Variants in SCNN1B observed in about 807,000 individuals in gnomAD.
SCNN1B encodes sodium channel epithelial 1 subunit beta, also known as epithelial sodium channel subunit beta.
SCNN1B carries 46 observed loss-of-function variants against 65.3 expected under a neutral mutation model. The ratio of observed to expected loss-of-function variants is 0.70; its 90% CI spans 0.56 to 0.90. The LOEUF (loss-of-function observed/expected upper bound fraction) is 0.90, where lower values mean the gene tolerates loss of function less well. Among genes scored for constraint, SCNN1B ranks in the 40% least tolerant of loss-of-function variants. The pLI is 0.00. For synonymous variants in SCNN1B, 349 were observed against 330.6 expected, an observed-to-expected ratio of 1.06 and a Z score of -0.60; for missense variants, 751 against 830.5, an observed-to-expected ratio of 0.90 and a Z score of 1.18.
chr16:23,306,435 C>T (rs895232319), intron 1 of SCNN1B, among the ~76,000 whole-genome samples: 2 of 152,144 alleles, frequency 1.3e-5, no homozygotes, highest in East Asian at 1.9e-4. Flanking sequence ...ATTGCTGATG[C>T]TGATGCTGAT....
chr16:23,348,830 G>A lies in SCNN1B; in HGVS notation c.231G>A (p.Trp77Ter), dbSNP rs1401899216. 2.5e-6 allele frequency: 4 copies of A among 1,614,036 alleles called. No individual in the cohort carries two copies. The highest frequency in any genetic ancestry group is 3.4e-6 in the Non-Finnish European group (4 of 1,180,030). Residue 77 changes from tryptophan to a stop codon, truncating the protein, a stop_gained, in exon 2 of 13, where the codon TGG becomes TGA. Transcript: ENST00000343070. LOFTEE classifies it high-confidence loss of function. The surrounding 1 kb of genome is among the most constrained non-coding windows in gnomAD (Gnocchi z 4.5). ...TCTTCATCAGGACCTACTTGAGCTG[G>A]GAGGTCAGCGTCTCCCTCTCCGTAG... ...WGIFIRTYLS[W>*]EVSVSLSVGF... is the part of the protein sequence containing the mutation.
At chr16:23,362,720 G>A (rs1240401775) in intron 4 of SCNN1B, among the ~76,000 whole-genome samples, 5 of 152,228 alleles carry the variant, frequency 3.3e-5, no homozygotes, top group African/African-American at 1.2e-4. Context: ...GGGCAGGAGG[G>A]GACCTGGCCA....
chr16:23,344,257 G>C (rs1307681826), intron 1 of SCNN1B, among the ~76,000 whole-genome samples: 2 of 152,224 alleles, frequency 1.3e-5, no homozygotes, highest in South Asian at 4.1e-4. Flanking sequence ...ACTGTTGCCT[G>C]AGCCTGAGGC....
intron 6 of SCNN1B, 69 bp downstream of exon 6, chr16:23,371,531 GCCCTT>G (rs1375579877): frequency 8.5e-5 from 128 of 1,503,236 alleles, no homozygotes; most frequent in Non-Finnish European, 1.1e-4. Flanking sequence ...AGGGCCAACT[GCCCTT>G]GGCCTGGGAG....
chr16:23,354,801 C>T (rs1204349372), intron 3 of SCNN1B, among the ~76,000 whole-genome samples: 4 of 152,120 alleles, frequency 2.6e-5, no homozygotes, highest in African/African-American at 9.7e-5. Context: ...ATGTGTGTTA[C>T]AATGACATGA....
intron 1 of SCNN1B, among the ~76,000 whole-genome samples, chr16:23,317,502 G>T (rs191641659): frequency 6.6e-6 from 1 of 152,304 alleles, no homozygotes; most frequent in African/African-American, 2.4e-5. Context: ...AGGGATGGGA[G>T]GGGAGCTTTT....
At chr16:23,366,030 C>G (rs1277356614) in intron 4 of SCNN1B, among the ~76,000 whole-genome samples, 1 of 152,174 alleles carries the variant, frequency 6.6e-6, no homozygotes, top group African/African-American at 2.4e-5. Context: ...TAAATGAGAT[C>G]ACGAATACAG....
chr16:23,373,421 C>A (rs1962825878), intron 7 of SCNN1B, among the ~76,000 whole-genome samples: 1 of 152,218 alleles, frequency 6.6e-6, no homozygotes, highest in Non-Finnish European at 1.5e-5. Flanking sequence ...AGCCACTGCG[C>A]CCACTGGAAG....
At chr16:23,314,319 C>T (rs1170675024) in intron 1 of SCNN1B, among the ~76,000 whole-genome samples, 2 of 152,200 alleles carry the variant, frequency 1.3e-5, no homozygotes, top group African/African-American at 4.8e-5. Flanking sequence ...TGAACTGCCA[C>T]GCCCGGCCAG....
rs1228927077 is a variant in SCNN1B, at chr16:23,380,010, G to A, written c.1467-84G>A. On this transcript the variant is annotated intron_variant, in intron 11 of 12. Coordinates refer to ENST00000343070, the MANE Select transcript of SCNN1B (RefSeq NM_000336.3). The surrounding 1 kb of genome is among the most constrained non-coding windows in gnomAD (Gnocchi z 5.4). ...TGGGTGTGTGCACGTGCATGTGTGTGCATGTGTCTATGTGCGTGTGTGTGT... is the reference window on the plus strand; with the variant it reads ...TGGGTGTGTGCACGTGCATGTGTGTACATGTGTCTATGTGCGTGTGTGTGT... 2.0e-6 allele frequency: 2 copies of A among 995,720 alleles called. No individual in the cohort carries two copies. Among genetic ancestry groups the A allele is most frequent in the African/African-American group, 3.2e-5 (2 of 63,122 alleles). The allele number at this position is 995,720 out of a possible 1,614,324, so 61.7% of individuals were successfully genotyped here. A position where few individuals can be genotyped will look rare whatever the true frequency, so the allele number is the denominator to read the frequency against.
chr16:23,353,924 A>G (rs1309414559), intron 3 of SCNN1B, among the ~76,000 whole-genome samples: 1 of 152,194 alleles, frequency 6.6e-6, no homozygotes, highest in East Asian at 1.9e-4. Flanking sequence ...CCACTCCTGG[A>G]GAATCTGAGT....
At chr16:23,312,780 G>A (rs969908194) in intron 1 of SCNN1B, among the ~76,000 whole-genome samples, 9 of 152,048 alleles carry the variant, frequency 5.9e-5, no homozygotes, top group Non-Finnish European at 2.9e-5. Context: ...CACCTCCCCC[G>A]ATCCCTTGGC....
chr16:23,342,388 C>G (rs1455915234), intron 1 of SCNN1B, among the ~76,000 whole-genome samples: 1 of 152,216 alleles, frequency 6.6e-6, no homozygotes, highest in Non-Finnish European at 1.5e-5. Context: ...GCAGGGATTA[C>G]AGGCACGTGC....
chr16:23,350,127 A>G (rs370342278), intron 2 of SCNN1B, among the ~76,000 whole-genome samples: 14 of 152,262 alleles, frequency 9.2e-5, no homozygotes, highest in African/African-American at 3.4e-4. Flanking sequence ...AATGCTTATG[A>G]TATGCTAGGC....
intron 1 of SCNN1B, among the ~76,000 whole-genome samples, chr16:23,316,146 C>T (rs1961454358): frequency 6.6e-6 from 1 of 150,820 alleles, no homozygotes; most frequent in African/African-American, 2.4e-5. Context: ...ACCACCATCA[C>T]CATCATCACC....
At chr16:23,289,046 T>C (rs183925575) in intron 2 of SCNN1B, among the ~76,000 whole-genome samples, 1 of 152,176 alleles carries the variant, frequency 6.6e-6, no homozygotes, top group African/African-American at 2.4e-5. Context: ...AGAAATGACA[T>C]CCCATCACCC....
chr16:23,343,556 G>A (rs1349916021), intron 1 of SCNN1B, among the ~76,000 whole-genome samples: 2 of 134,796 alleles, frequency 1.5e-5, no homozygotes, highest in Non-Finnish European at 3.1e-5. Flanking sequence ...GGGAAGGAAG[G>A]AAGGAAAAAA....
intron 1 of SCNN1B, among the ~76,000 whole-genome samples, chr16:23,317,589 T>G (rs72652295): frequency 9.4e-4 from 143 of 152,292 alleles, no homozygotes; most frequent in African/African-American, 3.3e-3. Context: ...GCAGGATCCT[T>G]TTCCAGGCTG....
At chr16:23,330,249 G>A (rs570974203) in intron 1 of SCNN1B, among the ~76,000 whole-genome samples, 4 of 152,252 alleles carry the variant, frequency 2.6e-5, no homozygotes, top group South Asian at 2.1e-4. Flanking sequence ...GCTCTTGTCC[G>A]GCATCCTCCA....
Sources: allele counts gnomAD v4.1 joint callset (sites outside exome capture counted in the v4.1 genomes callset), GRCh38; gene constraint gnomAD v4.1.1; non-coding constraint Gnocchi (gnomAD v3.1); transcripts MANE v1.5; gene names NCBI Gene and HGNC (gene_info 2026-07-23, HGNC 2026-07-21).